Variants in ZFHX3 observed in about 807,000 individuals in gnomAD.
ZFHX3 encodes zinc finger homeobox 3, also known as zinc finger homeobox protein 3.
ZFHX3 carries 42 observed loss-of-function variants against 279.1 expected under a neutral mutation model. The ratio of observed to expected loss-of-function variants is 0.15; its 90% CI spans 0.12 to 0.19. The LOEUF is 0.19. ZFHX3 is among the 10% of genes least tolerant of loss of function. ZFHX3 has a pLI of 1.00. For missense variants in ZFHX3, 4,981 were observed against 4,754.0 expected (o/e 1.05, Z -1.40); for synonymous variants, 2,293 against 1,957.8 (o/e 1.17, Z -4.52).
At chr16:73,039,920 T>A (rs1396566826) in intron 1 of ZFHX3, among the ~76,000 whole-genome samples, 2 of 152,128 alleles carry the variant, frequency 1.3e-5, no homozygotes, top group African/African-American at 4.8e-5. Context: ...GAACTGGTCA[T>A]AAGTTTGAGC....
chr16:73,839,547 A>C (rs975297770), intron 1 of ZFHX3, among the ~76,000 whole-genome samples: 3 of 152,116 alleles, frequency 2.0e-5, no homozygotes, highest in African/African-American at 4.8e-5. Flanking sequence ...GAAAAACATC[A>C]GTTCAATGGA....
chr16:73,343,723 GCAA>G (rs1597293285), intron 3 of ZFHX3, among the ~76,000 whole-genome samples: 5 of 152,106 alleles, frequency 3.3e-5, no homozygotes, highest in South Asian at 2.1e-4. Context: ...CATCTCTAAA[GCAA>G]CAACAACAAG....
At chr16:73,170,061 C>T (rs1967483254) in intron 5 of ZFHX3, among the ~76,000 whole-genome samples, 1 of 151,938 alleles carries the variant, frequency 6.6e-6, no homozygotes, top group African/African-American at 2.4e-5. Context: ...TACTCAATAC[C>T]CAATCTCCAG....
chr16:73,480,077 CTTTT>C (rs1280013012), intron 2 of ZFHX3, among the ~76,000 whole-genome samples: 1 of 152,114 alleles, frequency 6.6e-6, no homozygotes, highest in East Asian at 1.9e-4. Context: ...CAATCTCTTT[CTTTT>C]TGTTTTCTTT....
intron 1 of ZFHX3, among the ~76,000 whole-genome samples, chr16:72,990,695 T>C (rs994397934): frequency 6.6e-6 from 1 of 152,118 alleles, no homozygotes; most frequent in Non-Finnish European, 1.5e-5. Flanking sequence ...AATGGGTCAA[T>C]AATGGCTGGG....
At chr16:73,126,481 T>C (rs1350228276) in intron 7 of ZFHX3, among the ~76,000 whole-genome samples, 3 of 151,682 alleles carry the variant, frequency 2.0e-5, no homozygotes, top group African/African-American at 7.3e-5. Context: ...AGATGGGAGG[T>C]TTGGGAGCCA....
In ZFHX3 at chr16:73,443,521, G is replaced by C. The variant is rs1207997576; in HGVS notation, c.-1291+12482C>G. ...ATCCACGGTGATCATTTATCACTTT[G>C]CCTGACAAAAAGTTATTCCTTATGT... On this transcript the variant is annotated intron_variant, in intron 3 of 17. Transcript: ENST00000641206. Among the ~76,000 whole-genome samples, 3 of 151,544 alleles carry C rather than the reference G, an allele frequency of 2.0e-5. No homozygotes were observed. In the East Asian group the frequency reaches 5.9e-4, roughly 30 times the overall value.
At chr16:72,845,552 C>G (rs1176712046) in intron 4 of ZFHX3, among the ~76,000 whole-genome samples, 1 of 152,184 alleles carries the variant, frequency 6.6e-6, no homozygotes, top group Non-Finnish European at 1.5e-5. Flanking sequence ...GCCACGTGCT[C>G]CCACGCTCTG....
chr16:72,950,127 G>C (rs1960910403), intron 3 of ZFHX3, among the ~76,000 whole-genome samples: 3 of 150,998 alleles, frequency 2.0e-5, no homozygotes, highest in Admixed American at 2.0e-4. Context: ...AGAACAGAAA[G>C]CCTAAAGGAG....
intron 3 of ZFHX3, among the ~76,000 whole-genome samples, chr16:73,434,179 C>T (rs559650117): frequency 6.6e-6 from 1 of 152,306 alleles, no homozygotes; most frequent in South Asian, 2.1e-4. Context: ...CGAAAGTTGA[C>T]AAAATGCAGG....
At chr16:73,719,254 T>C (rs1289240088) in intron 1 of ZFHX3, among the ~76,000 whole-genome samples, 1 of 152,184 alleles carries the variant, frequency 6.6e-6, no homozygotes, top group Non-Finnish European at 1.5e-5. Context: ...TAAGAATCTA[T>C]GTTTTGGCAA....
At chr16:73,455,094 G>C (rs1481264613) in intron 3 of ZFHX3, among the ~76,000 whole-genome samples, 5 of 152,122 alleles carry the variant, frequency 3.3e-5, no homozygotes, top group African/African-American at 9.7e-5. Flanking sequence ...ACGTTGTCAG[G>C]TGTCCATCAC....
intron 1 of ZFHX3, among the ~76,000 whole-genome samples, chr16:73,697,004 T>C (rs2053203624): frequency 1.3e-5 from 2 of 152,192 alleles, no homozygotes. Flanking sequence ...ATAGTTAATT[T>C]AGAAAAGAAA....
intron 2 of ZFHX3, among the ~76,000 whole-genome samples, chr16:73,467,140 T>C (rs1425749104): frequency 6.6e-6 from 1 of 152,106 alleles, no homozygotes; most frequent in Non-Finnish European, 1.5e-5. Context: ...TCTTTGCATC[T>C]CAAGAAGTCA....
intron 8 of ZFHX3, among the ~76,000 whole-genome samples, chr16:73,075,597 G>C (rs1458722909): frequency 6.6e-6 from 1 of 151,668 alleles, no homozygotes; most frequent in African/African-American, 2.4e-5. Context: ...ATATAGAAAA[G>C]TGAATACATA....
At chr16:73,328,188 T>C (rs2015731398) in intron 3 of ZFHX3, among the ~76,000 whole-genome samples, 1 of 152,196 alleles carries the variant, frequency 6.6e-6, no homozygotes, top group Admixed American at 6.5e-5. Flanking sequence ...CTGTAGTGCG[T>C]ATTATAATCA....
At chr16:73,689,321 T>C (rs2053123176) in intron 1 of ZFHX3, among the ~76,000 whole-genome samples, 1 of 152,176 alleles carries the variant, frequency 6.6e-6, no homozygotes, top group Admixed American at 6.5e-5. Context: ...TCTAAATTCA[T>C]CCAAGACATC....
intron 2 of ZFHX3, among the ~76,000 whole-genome samples, chr16:73,530,616 G>C (rs183653764): frequency 1.3e-5 from 2 of 152,104 alleles, no homozygotes; most frequent in East Asian, 1.9e-4. Flanking sequence ...TAAGGAGCAA[G>C]ATTCTACACT....
At chr16:73,454,727 G>A (rs2018342402) in intron 3 of ZFHX3, among the ~76,000 whole-genome samples, 1 of 152,050 alleles carries the variant, frequency 6.6e-6, no homozygotes, top group African/African-American at 2.4e-5. Flanking sequence ...GAGTGTGTGT[G>A]GCTCAGGGAG....
Sources: allele counts gnomAD v4.1 joint callset (sites outside exome capture counted in the v4.1 genomes callset), GRCh38; gene constraint gnomAD v4.1.1; transcripts MANE v1.5; gene names NCBI Gene and HGNC (gene_info 2026-07-23, HGNC 2026-07-21).